Variants in ASIP observed in about 807,000 individuals in gnomAD.
ASIP encodes agouti-signaling protein.
ASIP carries 11 observed loss-of-function variants against 10.3 expected under a neutral mutation model. The ratio of observed to expected loss-of-function variants is 1.07; its 90% CI spans 0.68 to 1.78. The LOEUF (loss-of-function observed/expected upper bound fraction) is 1.78, where lower values mean the gene tolerates loss of function less well. Ranked by LOEUF, ASIP falls within the 40% of genes most tolerant of loss-of-function variation. The probability of loss-of-function intolerance (pLI) is 0.00; values close to 1 mark genes in which losing one functional copy is unlikely to be tolerated. For missense variants in ASIP, 180 were observed against 169.2 expected, an observed-to-expected ratio of 1.06 and a Z score of -0.35; for synonymous variants, 70 against 70.8, an observed-to-expected ratio of 0.99 and a Z score of 0.06.
intron 1 of ASIP, among the ~76,000 whole-genome samples, chr20:34,249,685 C>G (rs1463670024): frequency 6.6e-6 from 1 of 152,152 alleles, no homozygotes; most frequent in African/African-American, 2.4e-5. Flanking sequence ...TCAACTCTAA[C>G]ACTTCCCCCT....
intron 1 of ASIP, among the ~76,000 whole-genome samples, chr20:34,258,698 A>ATATATATATATAC (rs1568768756): frequency 1.6e-5 from 1 of 62,048 alleles, no homozygotes; most frequent in African/African-American, 8.8e-5. Flanking sequence ...TATACATACT[A>ATATATATATATAC]TATATATATA....
intron 1 of ASIP, among the ~76,000 whole-genome samples, chr20:34,211,931 T>C (rs1466579387): frequency 6.6e-6 from 1 of 152,214 alleles, no homozygotes; most frequent in Non-Finnish European, 1.5e-5. Context: ...CAGATAAAGA[T>C]ATCAAGTATA....
At chr20:34,256,362 T>C (rs957426259) in intron 1 of ASIP, among the ~76,000 whole-genome samples, 1 of 152,232 alleles carries the variant, frequency 6.6e-6, no homozygotes, top group Non-Finnish European at 1.5e-5. Flanking sequence ...TGTATTTTAT[T>C]CTGTCTCTTT....
intron 1 of ASIP, among the ~76,000 whole-genome samples, chr20:34,224,222 AT>A (rs1193775144): frequency 3.9e-5 from 6 of 151,976 alleles, no homozygotes; most frequent in South Asian, 2.1e-4. Flanking sequence ...CAATAAAAAA[AT>A]AAATTAAAAA....
At chr20:34,263,836 T>C (rs1396636120) in intron 3 of ASIP, among the ~76,000 whole-genome samples, 9 of 151,684 alleles carry the variant, frequency 5.9e-5, no homozygotes, top group African/African-American at 2.2e-4. Context: ...GCCCAGCTAA[T>C]GTTTTTGTAT....
At chr20:34,244,021 C>T (rs1242996982) in intron 1 of ASIP, among the ~76,000 whole-genome samples, 7 of 152,102 alleles carry the variant, frequency 4.6e-5, no homozygotes, top group Non-Finnish European at 1.0e-4. Flanking sequence ...GCCGAGATTG[C>T]GCCACTGCAC....
At chr20:34,239,068 C>A (rs2035248493), upstream of ASIP, among the ~76,000 whole-genome samples, 1 of 152,102 alleles carries the variant, frequency 6.6e-6, no homozygotes, top group Non-Finnish European at 1.5e-5. Flanking sequence ...AATTTAAGCC[C>A]CCAAAGACAC....
intron 1 of ASIP, among the ~76,000 whole-genome samples, chr20:34,216,338 C>T (rs1195743346): frequency 1.3e-5 from 2 of 152,238 alleles, no homozygotes; most frequent in African/African-American, 4.8e-5. Context: ...CCAGCAGTCT[C>T]ATGGAGAGTG....
chr20:34,231,476 G>T (rs1000518624), intron 1 of ASIP, among the ~76,000 whole-genome samples: 1 of 152,112 alleles, frequency 6.6e-6, no homozygotes, highest in Non-Finnish European at 1.5e-5. Flanking sequence ...GTTAAGCAAA[G>T]ATTTCTTAAA....
chr20:34,251,842 G>A (rs1481804159), intron 1 of ASIP, among the ~76,000 whole-genome samples: 1 of 152,122 alleles, frequency 6.6e-6, no homozygotes. Context: ...GATGATGGCT[G>A]TCTATGAAGA....
intron 1 of ASIP, among the ~76,000 whole-genome samples, chr20:34,223,451 G>T (rs1250557098): frequency 2.0e-5 from 3 of 152,068 alleles, no homozygotes; most frequent in Non-Finnish European, 1.5e-5. Context: ...CATCTGGGAA[G>T]TGAGGAGCGT....
intron 3 of ASIP, among the ~76,000 whole-genome samples, chr20:34,266,682 C>T (rs6119483): frequency 0.13 from 19,597 of 152,106 alleles, 1,347 homozygotes; most frequent in East Asian, 0.22. Flanking sequence ...CAAAAACAAA[C>T]AAACAAACAA....
chr20:34,267,735 C>T (rs1057354069), intron 3 of ASIP, among the ~76,000 whole-genome samples: 5 of 151,776 alleles, frequency 3.3e-5, no homozygotes, highest in African/African-American at 7.2e-5. Context: ...TTCTCCATGT[C>T]GGTCGGGCTG....
At position 34,269,218 on chromosome 20, in the gene ASIP, C is replaced by T. The variant is rs1411930029; in HGVS notation, c.*51C>T. 4.2e-6 allele frequency: 6 copies of T among 1,437,612 alleles called. No individual in the cohort carries two copies. Among genetic ancestry groups the T allele is most frequent in the South Asian group, 1.5e-5 (1 of 68,144 alleles). 89.1% of individuals were successfully genotyped at this position (1,437,612 alleles called of 1,614,324 possible). ...GGCAGGGCTTCGGGGACGCGGGGCG[C>T]TTCTCGGGCGGGTGATCCCTAACAG... On this transcript the variant is annotated 3_prime_UTR_variant, in exon 4 of 4. Transcript: ENST00000374954.
At chr20:34,208,824 A>G (rs1445111178) in intron 1 of ASIP, among the ~76,000 whole-genome samples, 1 of 152,188 alleles carries the variant, frequency 6.6e-6, no homozygotes, top group Non-Finnish European at 1.5e-5. Context: ...CATTGTAGAG[A>G]TCTTTCACTT....
intron 1 of ASIP, chr20:34,245,969 C>G: frequency 1.4e-6 from 2 of 1,451,618 alleles, no homozygotes; most frequent in Non-Finnish European, 1.9e-6. Context: ...CTTTACTTCT[C>G]CAAGATCTTT....
chr20:34,266,344 C>T (rs819161), intron 3 of ASIP, among the ~76,000 whole-genome samples: 4 of 147,930 alleles, frequency 2.7e-5, no homozygotes, highest in Admixed American at 6.9e-5. Context: ...AGCGAGACTC[C>T]GTCTCAAAAA....
At chr20:34,247,044 G>A (rs547674009) in intron 1 of ASIP, among the ~76,000 whole-genome samples, 1 of 152,124 alleles carries the variant, frequency 6.6e-6, no homozygotes, top group South Asian at 2.1e-4. Context: ...CCAGGCTGGA[G>A]TGCAGTGGCA....
intron 1 of ASIP, chr20:34,215,328 G>T: frequency 6.4e-7 from 1 of 1,571,980 alleles, no homozygotes; most frequent in Admixed American, 1.7e-5. Context: ...GTGATATTTG[G>T]TACCATGATT....
Sources: allele counts gnomAD v4.1 joint callset (sites outside exome capture counted in the v4.1 genomes callset), GRCh38; gene constraint gnomAD v4.1.1; transcripts MANE v1.5; gene names NCBI Gene and HGNC (gene_info 2026-07-23, HGNC 2026-07-21).